The following PUM1 variants were observed in gnomAD, a reference collection of about 807,000 sequenced individuals.
PUM1 encodes the protein pumilio homolog 1.
Under a neutral mutation model 131.8 loss-of-function variants are expected in PUM1, and 13 were observed. The ratio of observed to expected loss-of-function variants is 0.10; its 90% CI spans 0.06 to 0.16. PUM1 has a LOEUF of 0.16. Ranked by LOEUF, PUM1 falls within the 10% of genes least tolerant of loss-of-function variation. The pLI, the probability that PUM1 is intolerant of heterozygous loss-of-function variation, is 1.00. For synonymous variants in PUM1, 509 were observed against 556.5 expected (o/e 0.91, Z 1.20); for missense variants, 961 against 1,512.4 (o/e 0.64, Z 6.05).
Position 31,065,695 on chromosome 1 carries a change from C to T in PUM1, c.-91G>A. 6.5e-7 allele frequency: 1 copy of T among 1,549,646 alleles called. No individual in the cohort carries two copies. Among genetic ancestry groups the T allele is most frequent in the Non-Finnish European group, 8.7e-7 (1 of 1,146,804 alleles). On this transcript the variant is annotated 5_prime_UTR_variant, in exon 1 of 22. It adds an upstream start codon to the 5' untranslated region. Transcript: ENST00000426105. ...CGCTCTCGCTCCCCCTTACCTTTCACTCCGACAACATGGCGGCCCACTGGG... is the reference window on the plus strand; with the variant it reads ...CGCTCTCGCTCCCCCTTACCTTTCATTCCGACAACATGGCGGCCCACTGGG...
chr1:31,017,640 A>G (rs567190347), intron 3 of PUM1, among the ~76,000 whole-genome samples: 1 of 152,204 alleles, frequency 6.6e-6, no homozygotes, highest in East Asian at 1.9e-4. Flanking sequence ...ACCCTGATTT[A>G]GAGTGAGTGA....
chr1:31,065,521 C>G, intron 1 of PUM1, 95 bp downstream of exon 1: 1 of 1,387,102 alleles, frequency 7.2e-7, no homozygotes, highest in African/African-American at 1.5e-5. Flanking sequence ...GCCCTTCTCA[C>G]CCCCACAACC....
chr1:30,986,092 T>TTACA (rs1330042475), intron 7 of PUM1, among the ~76,000 whole-genome samples: 3 of 152,118 alleles, frequency 2.0e-5, no homozygotes, highest in Admixed American at 6.5e-5. Flanking sequence ...GTAGCTGGGA[T>TTACA]TACAGGCTTG....
At chr1:30,967,096 T>C in intron 12 of PUM1, 71 bp downstream of exon 12, 1 of 1,567,102 alleles carries the variant, frequency 6.4e-7, no homozygotes, top group East Asian at 2.3e-5. Context: ...TATTTCAACA[T>C]ACTTTAAGAA....
intron 15 of PUM1, 44 bp downstream of exon 15, chr1:30,953,670 A>G (rs1314792905): frequency 1.2e-6 from 2 of 1,607,232 alleles, no homozygotes; most frequent in Non-Finnish European, 8.5e-7. Flanking sequence ...CAGTTAAGGC[A>G]TTACAATTTC....
intron 1 of PUM1, among the ~76,000 whole-genome samples, chr1:31,062,901 A>C (rs1158853512): frequency 2.0e-5 from 3 of 152,226 alleles, no homozygotes; most frequent in African/African-American, 7.2e-5. Flanking sequence ...TGGAATTTGT[A>C]ATTTGTTTAA....
intron 21 of PUM1, among the ~76,000 whole-genome samples, chr1:30,935,112 G>A (rs953938954): frequency 6.6e-6 from 1 of 152,140 alleles, no homozygotes; most frequent in Non-Finnish European, 1.5e-5. Flanking sequence ...CTCCCATGTG[G>A]TCTCATCACT....
intron 11 of PUM1, among the ~76,000 whole-genome samples, chr1:30,967,881 G>T (rs566105027): frequency 6.6e-6 from 1 of 152,262 alleles, no homozygotes; most frequent in East Asian, 1.9e-4. Context: ...TATTCAAGAT[G>T]TATCTATATA....
chr1:31,002,119 A>C (rs1378914560), intron 5 of PUM1, among the ~76,000 whole-genome samples: 1 of 152,226 alleles, frequency 6.6e-6, no homozygotes, highest in African/African-American at 2.4e-5. Context: ...CATTTTGCAG[A>C]TGAATTAAGG....
chr1:30,942,981 C>A (rs1175903751), intron 18 of PUM1, among the ~76,000 whole-genome samples: 1 of 152,166 alleles, frequency 6.6e-6, no homozygotes, highest in Non-Finnish European at 1.5e-5. Flanking sequence ...TTCCTGTACT[C>A]CTAGCCTTAA....
intron 5 of PUM1, among the ~76,000 whole-genome samples, chr1:31,001,966 T>C (rs1055572978): frequency 5.3e-5 from 8 of 152,222 alleles, no homozygotes; most frequent in Non-Finnish European, 8.8e-5. Flanking sequence ...TGATCTGAGA[T>C]TCTGCGTTTC....
At chr1:31,057,755 G>GGTTCACT (rs1251363130) in intron 2 of PUM1, among the ~76,000 whole-genome samples, 1 of 148,376 alleles carries the variant, frequency 6.7e-6, no homozygotes, top group Non-Finnish European at 1.5e-5. Context: ...AAACAACTAT[G>GGTTCACT]GTTCACTTTT....
At chr1:31,022,220 T>C (rs894680205) in intron 3 of PUM1, among the ~76,000 whole-genome samples, 2 of 152,176 alleles carry the variant, frequency 1.3e-5, no homozygotes, top group Admixed American at 6.5e-5. Context: ...GGGAGATTCA[T>C]ATCGATAATG....
rs1341602269 is a variant in PUM1 at position 31,065,687 on chromosome 1, A to T, written c.-83T>A. ...CTCTCTGGCGCTCTCGCTCCCCCTT[A>T]CCTTTCACTCCGACAACATGGCGGC... On this transcript the variant is annotated 5_prime_UTR_variant, in exon 1 of 22. Coordinates refer to ENST00000426105, the MANE Select transcript of PUM1 (RefSeq NM_001020658.2). The T allele has an allele frequency of 6.5e-7, 1 of 1,547,060 alleles. No individual in the cohort carries two copies. Among genetic ancestry groups the T allele is most frequent in the Non-Finnish European group, 8.7e-7 (1 of 1,146,272 alleles).
At chr1:31,039,641 C>T (rs1479425847) in intron 2 of PUM1, among the ~76,000 whole-genome samples, 1 of 152,228 alleles carries the variant, frequency 6.6e-6, no homozygotes, top group Non-Finnish European at 1.5e-5. Flanking sequence ...TGGCTCACGC[C>T]TGTAATCCCA....
At chr1:30,964,332 C>G (rs1299938916) in intron 14 of PUM1, among the ~76,000 whole-genome samples, 2 of 152,032 alleles carry the variant, frequency 1.3e-5, no homozygotes, top group Non-Finnish European at 2.9e-5. Context: ...GGTGGTGATA[C>G]TAGGTGATTA....
chr1:31,038,984 A>ATATATATATATTTTTTTTT, intron 2 of PUM1, among the ~76,000 whole-genome samples: 12 of 49,410 alleles, frequency 2.4e-4, no homozygotes, highest in African/African-American at 8.3e-4. Flanking sequence ...ATATATATAT[A>ATATATATATATTTTTTTTT]TTTTTTTTTT....
At chr1:30,961,346 CAAAAA>C (rs11325891) in intron 14 of PUM1, among the ~76,000 whole-genome samples, 6 of 87,940 alleles carry the variant, frequency 6.8e-5, no homozygotes, top group Admixed American at 3.9e-4. Flanking sequence ...TTAGTTTCTA[CAAAAA>C]AAAAAAAAAA....
At chr1:31,002,492 G>A (rs1425538492) in intron 5 of PUM1, among the ~76,000 whole-genome samples, 1 of 152,060 alleles carries the variant, frequency 6.6e-6, no homozygotes, top group East Asian at 1.9e-4. Context: ...GGCTGGCTAG[G>A]CTTCCACCTA....
Sources: allele counts gnomAD v4.1 joint callset (sites outside exome capture counted in the v4.1 genomes callset), GRCh38; gene constraint gnomAD v4.1.1; transcripts MANE v1.5; gene names NCBI Gene and HGNC (gene_info 2026-07-23, HGNC 2026-07-21).